The following SPMIP11 variants were observed in gnomAD, a reference collection of about 807,000 sequenced individuals.
SPMIP11 encodes long intergenic non-protein coding RNA 935.
the SPMIP11 span, among the ~76,000 whole-genome samples, chr12:48,728,707 C>CAA: frequency 5.9e-3 from 417 of 70,532 alleles, no homozygotes; most frequent in Non-Finnish European, 6.7e-3. Context: ...GACTCTGTCT[C>CAA]AAAAAAAAAA....
At chr12:48,745,274 T>G in the SPMIP11 span, among the ~76,000 whole-genome samples, 1 of 147,994 alleles carries the variant, frequency 6.8e-6, no homozygotes, top group Non-Finnish European at 1.5e-5. Flanking sequence ...TGAGACTCCA[T>G]CTCAAAAAAA....
chr12:48,769,482 G>A, the SPMIP11 span, among the ~76,000 whole-genome samples: 2 of 150,556 alleles, frequency 1.3e-5, no homozygotes, highest in African/African-American at 4.9e-5. Context: ...CCTCAGTTTA[G>A]GAGCTCCCCT....
chr12:48,735,955 T>C, the SPMIP11 span: 1 of 189,026 alleles, frequency 5.3e-6, no homozygotes, highest in African/African-American at 2.4e-5. Flanking sequence ...AATTTATAAT[T>C]TGTGATGCAG....
the SPMIP11 span, among the ~76,000 whole-genome samples, chr12:48,741,814 G>C: frequency 1.3e-5 from 2 of 151,800 alleles, no homozygotes; most frequent in Admixed American, 6.6e-5. Flanking sequence ...CAATTGTTTT[G>C]ATTTCTAGTA....
the SPMIP11 span, among the ~76,000 whole-genome samples, chr12:48,729,726 AAG>A: frequency 6.6e-6 from 1 of 150,482 alleles, no homozygotes; most frequent in Admixed American, 6.6e-5. Context: ...AAAAAAAAAA[AAG>A]ATTGTAAAGA....
the SPMIP11 span, among the ~76,000 whole-genome samples, chr12:48,731,246 A>G: frequency 2.6e-5 from 4 of 152,186 alleles, no homozygotes; most frequent in Non-Finnish European, 1.5e-5. Flanking sequence ...TAATCCCAGC[A>G]CTTTGGAAGG....
the SPMIP11 span, among the ~76,000 whole-genome samples, chr12:48,749,631 G>A: frequency 6.0e-5 from 3 of 49,978 alleles, no homozygotes; most frequent in Non-Finnish European, 1.1e-4. Context: ...GTGAAACTCG[G>A]TGTCAAAAAA....
the SPMIP11 span, among the ~76,000 whole-genome samples, chr12:48,746,917 T>C: frequency 1.3e-5 from 2 of 150,740 alleles, no homozygotes; most frequent in Admixed American, 6.6e-5. Flanking sequence ...TGAGACTCTG[T>C]CTCAAAAAAA....
At chr12:48,736,385 G>T in the SPMIP11 span, among the ~76,000 whole-genome samples, 1 of 139,744 alleles carries the variant, frequency 7.2e-6, no homozygotes, top group African/African-American at 2.7e-5. Flanking sequence ...CTGCACTCCA[G>T]CCTGGGCAAC....
At chr12:48,742,277 CCTTTTTTT>C in the SPMIP11 span, among the ~76,000 whole-genome samples, 1 of 87,222 alleles carries the variant, frequency 1.1e-5, no homozygotes, top group Non-Finnish European at 2.2e-5. Flanking sequence ...CTTTTCTTTT[CCTTTTTTT>C]TTTTTTTTTT....
the SPMIP11 span, among the ~76,000 whole-genome samples, chr12:48,762,126 T>C: frequency 5.0e-5 from 7 of 139,436 alleles, no homozygotes; most frequent in Admixed American, 1.5e-4. Flanking sequence ...TGGCGCGATC[T>C]CGGCTCACCA....
At chr12:48,751,364 AG>A in the SPMIP11 span, among the ~76,000 whole-genome samples, 1 of 152,346 alleles carries the variant, frequency 6.6e-6, no homozygotes, top group East Asian at 1.9e-4. Context: ...CTGTAATCCC[AG>A]CACTTTGGGA....
the SPMIP11 span, among the ~76,000 whole-genome samples, chr12:48,751,986 G>A: frequency 6.7e-6 from 1 of 150,002 alleles, no homozygotes; most frequent in Admixed American, 6.7e-5. Flanking sequence ...AGAATCTCTC[G>A]AACCTGGGAG....
chr12:48,768,437 G>C, the SPMIP11 span: 2 of 1,093,822 alleles, frequency 1.8e-6, no homozygotes, highest in East Asian at 2.5e-5. Flanking sequence ...GAGGGCAGAC[G>C]AGCATGATCC....
chr12:48,771,121 G>A, the SPMIP11 span: 13 of 784,578 alleles, frequency 1.7e-5, 1 homozygote, highest in Middle Eastern at 3.6e-4. This position sits in a 1 kb window ranked among gnomAD's most constrained non-coding sequence, Gnocchi z 4.3. Flanking sequence ...TAAGACTGAG[G>A]AGCTGGGAAA....
the SPMIP11 span, among the ~76,000 whole-genome samples, chr12:48,738,028 T>C: frequency 6.1e-4 from 92 of 151,752 alleles, no homozygotes; most frequent in African/African-American, 2.2e-3. Context: ...TCTCCCTATG[T>C]TGCCCAGGAT....
At chr12:48,759,311 G>A in the SPMIP11 span, 536 of 702,920 alleles carry the variant, frequency 7.6e-4, no homozygotes, top group African/African-American at 2.0e-3. Flanking sequence ...GAAGCTGTCC[G>A]GAAGGTGTTG....
the SPMIP11 span, chr12:48,765,091 G>T: frequency 3.2e-6 from 2 of 615,458 alleles, no homozygotes; most frequent in East Asian, 5.5e-5. Context: ...GTCAGTTAGG[G>T]AATTAGGAGA....
chr12:48,750,740 C>G, the SPMIP11 span, among the ~76,000 whole-genome samples: 2 of 152,168 alleles, frequency 1.3e-5, no homozygotes, highest in Non-Finnish European at 2.9e-5. Flanking sequence ...ATTCAGGGAA[C>G]CCACAGTTCC....
Sources: gnomAD v4.1 joint callset for allele counts (sites outside exome capture counted in the v4.1 genomes callset) on GRCh38, gnomAD v4.1.1 for gene constraint, Gnocchi (gnomAD v3.1) non-coding constraint, MANE v1.5 for transcripts, NCBI Gene and HGNC (gene_info 2026-07-23, HGNC 2026-07-21) for gene names.